Variants in PLAGL1 observed in about 807,000 individuals in gnomAD.
PLAGL1 encodes zinc finger protein PLAGL1.
In PLAGL1, 1 loss-of-function variant was observed where a neutral mutation model predicts 4.6. That is an observed-to-expected ratio of 0.22 (90% CI 0.08 to 1.03). The LOEUF is 1.03. Ranked by LOEUF, PLAGL1 falls within the 50% of genes least tolerant of loss-of-function variation. The probability of loss-of-function intolerance (pLI) is 0.58; values close to 1 mark genes in which losing one functional copy is unlikely to be tolerated. For missense variants in PLAGL1, 464 were observed against 570.4 expected, an observed-to-expected ratio of 0.81 and a Z score of 1.90; for synonymous variants, 240 against 237.8, an observed-to-expected ratio of 1.01 and a Z score of -0.08.
chr6:143,964,276 A>G lies in PLAGL1; in HGVS notation c.-399+511T>C, dbSNP rs952311784. ...TGGCGGCCCTGGGGCAGACAGCTAC[A>G]AGGATTCAATAAATCACTACTTTGA... is the stretch of plus-strand genomic sequence containing the variant. On this transcript the variant is annotated intron_variant, in intron 5 of 7. Coordinates refer to ENST00000674357, the MANE Select transcript of PLAGL1 (RefSeq NM_001317162.2). This position sits in a 1 kb window ranked among gnomAD's most constrained non-coding sequence, Gnocchi z 4.3. Among the ~76,000 whole-genome samples the G allele has an allele frequency of 1.3e-5, 2 of 152,164 alleles. No individual in the cohort carries two copies. Among genetic ancestry groups the G allele is most frequent in the African/African-American group, 4.8e-5 (2 of 41,416 alleles).
Position 143,952,232 on chromosome 6 carries a change from C to T in PLAGL1, c.-324-3772G>A, listed in dbSNP as rs1439105926. On this transcript the variant is annotated intron_variant, in intron 6 of 7. Coordinates refer to ENST00000674357, the MANE Select transcript of PLAGL1 (RefSeq NM_001317162.2). The surrounding 1 kb of genome is among the most constrained non-coding windows in gnomAD (Gnocchi z 6.1). The stretch of plus-strand genomic sequence containing the variant: ...GTTGAAACCCAATGCACTTTCTGGC[C>T]ACATCCTTAAAACAATTTATGACAA... Among the ~76,000 whole-genome samples the T allele has an allele frequency of 3.9e-5, 6 of 152,162 alleles. 1 individual carries two copies. In the South Asian group the frequency reaches 6.2e-4, roughly 16 times the overall value.
At chr6:144,041,655 T>A (rs1296779165) in intron 1 of PLAGL1, among the ~76,000 whole-genome samples, 1 of 152,236 alleles carries the variant, frequency 6.6e-6, no homozygotes, top group Admixed American at 6.5e-5. Context: ...AATATCTGCA[T>A]GTGTCTTCAT....
In PLAGL1 at chr6:143,964,904, G is replaced by GT. The variant is rs1562446597; in HGVS notation, c.-430-87_-430-86insA. On this transcript the variant is annotated intron_variant, in intron 4 of 7. Coordinates refer to ENST00000674357, the MANE Select transcript of PLAGL1 (RefSeq NM_001317162.2). This position sits in a 1 kb window ranked among gnomAD's most constrained non-coding sequence, Gnocchi z 4.3. The stretch of plus-strand genomic sequence containing the variant: ...TAAAACAAACAAAAACACCCAAGTG[G>GT]GGGGGGAACGGAAGTCTACTTGGAA... 1 of 151,310 alleles carries GT rather than the reference G, an allele frequency of 6.6e-6. No homozygotes were observed. Among genetic ancestry groups the GT allele is most frequent in the Admixed American group, 6.6e-5 (1 of 15,242 alleles). 9.4% of individuals were successfully genotyped at this position (151,310 alleles called of 1,614,324 possible).
At position 143,942,446 on chromosome 6, in the gene PLAGL1, C is replaced by G. The variant is rs1778843171; in HGVS notation, c.370G>C (p.Val124Leu). The G allele has an allele frequency of 1.2e-6, 2 of 1,614,166 alleles. No homozygotes were observed. Among genetic ancestry groups the G allele is most frequent in the Non-Finnish European group, 8.5e-7 (1 of 1,180,032 alleles). The change falls in exon 8 of 8, where the codon GTC (valine) becomes CTC (leucine). Residue 124 changes from valine (V) to leucine (L), a missense_variant. This residue lies in a region of PLAGL1 where 161 missense variants were observed against 196.7 expected (regional missense o/e 0.82). Transcript: ENST00000674357. This position sits in a 1 kb window ranked among gnomAD's most constrained non-coding sequence, Gnocchi z 7.6. ...AASSGDLTCG[V>L]CALELGSTEV... ...GTGCTCCCTAGCTCCAGGGCACAGA[C>G]CCCACAGGTGAGGTCCCCACTGCTG...
intron 1 of PLAGL1, among the ~76,000 whole-genome samples, chr6:143,996,079 T>C (rs1791554848): frequency 6.6e-6 from 1 of 152,214 alleles, no homozygotes; most frequent in Admixed American, 6.5e-5. Flanking sequence ...GTGCTTTAAA[T>C]TTTCTTGATT....
rs570286935 is a variant in PLAGL1, at chr6:143,961,878, G to A, written c.-398-1336C>T. On this transcript the variant is annotated intron_variant, in intron 5 of 7. Coordinates refer to ENST00000674357, the MANE Select transcript of PLAGL1 (RefSeq NM_001317162.2). The surrounding 1 kb of genome is among the most constrained non-coding windows in gnomAD (Gnocchi z 6.5). ...AGGCAGGGGTTCTTCTGCTTCCCAG[G>A]AAAGGGTGCACATAACGTGAGGTAC... 8.5e-4 allele frequency among the ~76,000 whole-genome samples: 129 copies of A among 152,316 alleles called. 2 individuals carry two copies. The highest frequency in any genetic ancestry group is 4.5e-3 in the Admixed American group (69 of 15,304).
intron 7 of PLAGL1, among the ~76,000 whole-genome samples, chr6:143,943,994 C>T (rs769781345): frequency 4.6e-5 from 7 of 152,172 alleles, no homozygotes; most frequent in Non-Finnish European, 1.0e-4. Context: ...CAGAGCATTA[C>T]ATGTTAGCAT....
rs1799641070 is a variant in PLAGL1, at chr6:144,064,073, C to T, written c.-151+395G>A. 6.6e-6 allele frequency among the ~76,000 whole-genome samples: 1 copy of T among 152,176 alleles called. No homozygotes were observed. The highest frequency in any genetic ancestry group is 1.5e-5 in the Non-Finnish European group (1 of 68,024). ...CCCCCAGCCTCGGAGAGCACAGGACCCGGGAGGCGGCGACCTGCCTCCGCG... is the reference window on the plus strand; with the variant it reads ...CCCCCAGCCTCGGAGAGCACAGGACTCGGGAGGCGGCGACCTGCCTCCGCG... On this transcript the variant is annotated intron_variant, in intron 1 of 3. Coordinates refer to the PLAGL1 transcript ENST00000437412. This position sits in a 1 kb window ranked among gnomAD's most constrained non-coding sequence, Gnocchi z 6.8.
At position 144,005,037 on chromosome 6, in the gene PLAGL1, T is replaced by A. The variant is rs980585972; in HGVS notation, c.-584+3053A>T. 6.6e-6 allele frequency: 1 copy of A among 150,800 alleles called. No individual in the cohort carries two copies. 9.3% of individuals were successfully genotyped at this position (150,800 alleles called of 1,614,324 possible). A position where few individuals can be genotyped will look rare whatever the true frequency, so the allele number is the denominator to read the frequency against. On this transcript the variant is annotated intron_variant, in intron 1 of 7. Coordinates refer to ENST00000674357, the MANE Select transcript of PLAGL1 (RefSeq NM_001317162.2). The surrounding 1 kb of genome is among the most constrained non-coding windows in gnomAD (Gnocchi z 4.6). Reference sequence around the variant, plus strand: ...ATATAAAGTGTATGTGTATATATTATATATATACACACACCTACATACATT... The same window carrying A: ...ATATAAAGTGTATGTGTATATATTAAATATATACACACACCTACATACATT...
chr6:144,039,824 T>C lies in PLAGL1; in HGVS notation c.-151+24644A>G, dbSNP rs1797580183. Among the ~76,000 whole-genome samples the C allele has an allele frequency of 6.6e-6, 1 of 152,190 alleles. No individual in the cohort carries two copies. The highest frequency in any genetic ancestry group is 2.4e-5 in the African/African-American group (1 of 41,448). ...ACACCAAGATATATCTGCAAGAATG[T>C]TCACAGCAAATCTCTTTGTAGTAGC... On this transcript the variant is annotated intron_variant, in intron 1 of 3. Coordinates refer to the PLAGL1 transcript ENST00000437412. This position sits in a 1 kb window ranked among gnomAD's most constrained non-coding sequence, Gnocchi z 4.1.
At chr6:144,029,823 A>G (rs1796667640) in intron 1 of PLAGL1, among the ~76,000 whole-genome samples, 1 of 152,242 alleles carries the variant, frequency 6.6e-6, no homozygotes, top group Admixed American at 6.5e-5. Flanking sequence ...TAAAAAGTAT[A>G]AACACGTGCA....
At chr6:144,038,623 CCAAA>C (rs1388603509) in intron 1 of PLAGL1, among the ~76,000 whole-genome samples, 1 of 151,872 alleles carries the variant, frequency 6.6e-6, no homozygotes, top group Non-Finnish European at 1.5e-5. Context: ...AATGACATGT[CCAAA>C]CAAAGAAATA....
chr6:144,001,174 T>TA (rs148052722), intron 1 of PLAGL1, among the ~76,000 whole-genome samples: 245 of 140,172 alleles, frequency 1.7e-3, no homozygotes, highest in African/African-American at 3.5e-3. Flanking sequence ...AAGGAAATGA[T>TA]AAAAAAAAAA....
At chr6:144,062,344 T>A (rs2128733238) in intron 1 of PLAGL1, among the ~76,000 whole-genome samples, 1 of 147,698 alleles carries the variant, frequency 6.8e-6, no homozygotes, top group East Asian at 2.0e-4. Flanking sequence ...GCCACCGCAC[T>A]CCAGCCTGGG....
In PLAGL1 at chr6:144,022,201, A is replaced by G. The variant is rs1796024656; in HGVS notation, c.-151+42267T>C. 6.6e-6 allele frequency among the ~76,000 whole-genome samples: 1 copy of G among 152,224 alleles called. No individual in the cohort carries two copies. The highest frequency in any genetic ancestry group is 1.5e-5 in the Non-Finnish European group (1 of 68,038). On this transcript the variant is annotated intron_variant, in intron 1 of 3. Transcript: ENST00000437412. This position sits in a 1 kb window ranked among gnomAD's most constrained non-coding sequence, Gnocchi z 4.2. ...GAACACTTAAAACTAACCAATAAAAACAATCAACCTAATTAAAAGATGGGC... is the reference window on the plus strand; with the variant it reads ...GAACACTTAAAACTAACCAATAAAAGCAATCAACCTAATTAAAAGATGGGC...
intron 1 of PLAGL1, among the ~76,000 whole-genome samples, chr6:144,062,495 A>G (rs1014884252): frequency 1.5e-5 from 2 of 131,026 alleles, no homozygotes; most frequent in Non-Finnish European, 3.2e-5. Context: ...AAAAAAAAAA[A>G]CACAGATTTG....
At chr6:144,031,411 TG>T (rs1796823380) in intron 1 of PLAGL1, among the ~76,000 whole-genome samples, 1 of 152,252 alleles carries the variant, frequency 6.6e-6, no homozygotes, top group African/African-American at 2.4e-5. Context: ...TTCTTGGTCA[TG>T]AAGTCTTTGT....
rs1798758988 is a variant in PLAGL1, at chr6:144,053,954, A to T, written c.-151+10514T>A. ...CAAAGTACATACCAAGAAGAACACC[A>T]TCAACTTCAAAATCCATCAGGAAAG... On this transcript the variant is annotated intron_variant, in intron 1 of 3. Transcript: ENST00000437412. This position sits in a 1 kb window ranked among gnomAD's most constrained non-coding sequence, Gnocchi z 4.0. Among the ~76,000 whole-genome samples the T allele has an allele frequency of 6.6e-6, 1 of 152,202 alleles. No homozygotes were observed. The highest frequency in any genetic ancestry group is 2.1e-4 in the South Asian group (1 of 4,830).
chr6:143,990,366 G>A lies in PLAGL1; in HGVS notation c.-583-5192C>T, dbSNP rs901920535. ...CATCCCCTGACCTCGGGATCCGCCCGCCTTGGCCTCCCAAAGTGCAGGGAT... is the reference window on the plus strand; with the variant it reads ...CATCCCCTGACCTCGGGATCCGCCCACCTTGGCCTCCCAAAGTGCAGGGAT... On this transcript the variant is annotated intron_variant, in intron 1 of 7. Transcript: ENST00000674357. The surrounding 1 kb of genome is among the most constrained non-coding windows in gnomAD (Gnocchi z 5.4). Among the ~76,000 whole-genome samples, 17 of 152,224 alleles carry A rather than the reference G, an allele frequency of 1.1e-4. No homozygotes were observed. Among genetic ancestry groups the A allele is most frequent in the East Asian group, 1.9e-4 (1 of 5,172 alleles).
Sources: allele counts gnomAD v4.1 joint callset (sites outside exome capture counted in the v4.1 genomes callset), GRCh38; gene constraint gnomAD v4.1.1; regional missense constraint gnomAD v4.1.1; non-coding constraint Gnocchi (gnomAD v3.1); transcripts MANE v1.5; gene names NCBI Gene and HGNC (gene_info 2026-07-23, HGNC 2026-07-21).